SLC1A2: variants seen among roughly 807,000 people sequenced by gnomAD.
SLC1A2 encodes solute carrier family 1 member 2.
In SLC1A2, 15 loss-of-function variants were observed where a neutral mutation model predicts 48.8. The observed-to-expected ratio is 0.31, with a 90% CI of 0.21 to 0.47. The LOEUF (loss-of-function observed/expected upper bound fraction) is 0.47. SLC1A2 is among the 20% of genes least tolerant of loss of function. SLC1A2 has a pLI of 0.99. For missense variants in SLC1A2, 502 were observed against 730.5 expected, an observed-to-expected ratio of 0.69 and a Z score of 3.61; for synonymous variants, 279 against 272.6, an observed-to-expected ratio of 1.02 and a Z score of -0.23.
intron 10 of SLC1A2, chr11:35,265,221 G>A (rs10488815): frequency 0.016 from 7,029 of 445,652 alleles, 186 homozygotes; most frequent in Admixed American, 0.091. Context: ...ATTCTTGGGC[G>A]AAATATTCAA....
chr11:35,301,358 A>G (rs566937470), intron 6 of SLC1A2, among the ~76,000 whole-genome samples, 161 bp downstream of exon 6: 5 of 152,310 alleles, frequency 3.3e-5, no homozygotes, highest in African/African-American at 1.2e-4. Flanking sequence ...GTTCTAGGGG[A>G]AGCTCCAAAA....
chr11:35,360,136 A>C (rs1853624132), intron 1 of SLC1A2: 1 of 976,120 alleles, frequency 1.0e-6, no homozygotes, highest in Non-Finnish European at 1.2e-6. Context: ...ATAGAGGAAA[A>C]GCTGTCGGGG....
chr11:35,291,268 CT>C (rs369366945), intron 7 of SLC1A2: 56 of 148,948 alleles, frequency 3.8e-4, no homozygotes, highest in Admixed American at 1.2e-3. Context: ...TTCTTTCTTT[CT>C]TTTTTTTTTT....
intron 9 of SLC1A2, among the ~76,000 whole-genome samples, chr11:35,276,624 GT>G (rs1206009134): frequency 6.6e-6 from 1 of 152,112 alleles, no homozygotes; most frequent in Non-Finnish European, 1.5e-5. Context: ...AGTAGGCAGG[GT>G]TTTGAATGTT....
intron 4 of SLC1A2, among the ~76,000 whole-genome samples, chr11:35,307,441 G>T (rs1370497530): frequency 6.6e-6 from 1 of 152,156 alleles, no homozygotes; most frequent in East Asian, 1.9e-4. Flanking sequence ...CATGGCAGTG[G>T]TCCTATTTTT....
chr11:35,306,836 C>G (rs993072875), intron 4 of SLC1A2, among the ~76,000 whole-genome samples: 3 of 152,188 alleles, frequency 2.0e-5, no homozygotes, highest in Admixed American at 6.5e-5. Flanking sequence ...GACCGCCAGT[C>G]TTATCCATGT....
chr11:35,271,818 G>T (rs7944233), intron 9 of SLC1A2, among the ~76,000 whole-genome samples: 20,947 of 152,166 alleles, frequency 0.14, 1,621 homozygotes, highest in East Asian at 0.2. Flanking sequence ...ACTCCAGCCT[G>T]GGCAACAGAG....
chr11:35,357,108 T>A (rs185636335), intron 1 of SLC1A2, among the ~76,000 whole-genome samples: 31 of 151,268 alleles, frequency 2.0e-4, no homozygotes, highest in African/African-American at 6.8e-4. Flanking sequence ...AAAAAAAAAA[T>A]TAGCTGGACA....
At chr11:35,328,501 T>A (rs952017336) in intron 1 of SLC1A2, among the ~76,000 whole-genome samples, 2 of 152,096 alleles carry the variant, frequency 1.3e-5, no homozygotes, top group African/African-American at 2.4e-5. Context: ...GAAGGAAAAA[T>A]GAAGTCATTG....
chr11:35,372,842 C>T (rs1011144483), intron 1 of SLC1A2, among the ~76,000 whole-genome samples: 3 of 152,144 alleles, frequency 2.0e-5, no homozygotes, highest in African/African-American at 7.2e-5. Flanking sequence ...ATTCTAAGCC[C>T]TTCATTTAGA....
chr11:35,403,846 C>T (rs1023272326), intron 1 of SLC1A2, among the ~76,000 whole-genome samples: 19 of 152,118 alleles, frequency 1.2e-4, no homozygotes, highest in African/African-American at 3.6e-4. Flanking sequence ...GAAACTAGAG[C>T]CACAGCTGGA....
At chr11:35,272,183 C>T (rs1850297434) in intron 9 of SLC1A2, among the ~76,000 whole-genome samples, 1 of 152,000 alleles carries the variant, frequency 6.6e-6, no homozygotes, top group East Asian at 1.9e-4. Flanking sequence ...AAGTTAGGTT[C>T]CTAGAGAGAT....
At chr11:35,418,837 C>T in intron 1 of SLC1A2, 113 bp downstream of exon 1, 2 of 917,466 alleles carry the variant, frequency 2.2e-6, no homozygotes, top group East Asian at 2.8e-5. Context: ...TACGGCTCCG[C>T]CACCACCTCC....
chr11:35,393,014 C>T (rs1854831145), intron 1 of SLC1A2, among the ~76,000 whole-genome samples: 1 of 152,188 alleles, frequency 6.6e-6, no homozygotes, highest in African/African-American at 2.4e-5. Context: ...AAGATAGGTG[C>T]TATCATACCT....
intron 1 of SLC1A2, among the ~76,000 whole-genome samples, chr11:35,362,562 A>G (rs2135134102): frequency 6.6e-6 from 1 of 152,322 alleles, no homozygotes; most frequent in East Asian, 1.9e-4. Context: ...ATAACTATTC[A>G]CGGGACTGTA....
intron 1 of SLC1A2, among the ~76,000 whole-genome samples, chr11:35,400,268 T>C (rs912509756): frequency 5.3e-5 from 8 of 152,106 alleles, no homozygotes; most frequent in Admixed American, 1.3e-4. Flanking sequence ...TATCCAACAA[T>C]AGGAGATAGT....
intron 4 of SLC1A2, among the ~76,000 whole-genome samples, chr11:35,309,608 T>C (rs776660852): frequency 2.6e-4 from 39 of 152,242 alleles, no homozygotes; most frequent in South Asian, 1.0e-3. Flanking sequence ...TGCGGGGAGC[T>C]CATCTTCCTC....
At chr11:35,341,731 T>C (rs1852849397) in intron 1 of SLC1A2, among the ~76,000 whole-genome samples, 1 of 152,216 alleles carries the variant, frequency 6.6e-6, no homozygotes, top group South Asian at 2.1e-4. Flanking sequence ...AAATTTAAGA[T>C]ATGTAATACC....
At position 35,305,607 on chromosome 11, in the gene SLC1A2, C is replaced by T. The variant is rs569247225; in HGVS notation, c.730+467G>A. Reference sequence around the variant, plus strand: ...GATAATCTGTAAAGCTCCCTTGGTACCTACTCCAACACTTTACAATCCTGG... The same window carrying T: ...GATAATCTGTAAAGCTCCCTTGGTATCTACTCCAACACTTTACAATCCTGG... On this transcript the variant is annotated intron_variant, in intron 5 of 10. Coordinates refer to ENST00000278379, the MANE Select transcript of SLC1A2 (RefSeq NM_004171.4). Among the ~76,000 whole-genome samples, 6 of 152,294 alleles carry T rather than the reference C, an allele frequency of 3.9e-5. No homozygotes were observed. In the South Asian group the frequency reaches 1.2e-3, roughly 32 times the overall value.
Sources: allele counts gnomAD v4.1 joint callset (sites outside exome capture counted in the v4.1 genomes callset), GRCh38; gene constraint gnomAD v4.1.1; transcripts MANE v1.5; gene names NCBI Gene and HGNC (gene_info 2026-07-23, HGNC 2026-07-21).